Variants in RAPGEF1 observed in about 807,000 individuals in gnomAD.
The protein encoded by RAPGEF1 is CRK SH3-binding GNRP.
In RAPGEF1, 33 loss-of-function variants were observed where a neutral mutation model predicts 143.3. That is an observed-to-expected ratio of 0.23 (90% CI 0.17 to 0.31). The LOEUF is 0.31. Among genes scored for constraint, RAPGEF1 ranks in the 10% least tolerant of loss-of-function variants. RAPGEF1 has a pLI of 1.00. For synonymous variants in RAPGEF1, 629 were observed against 676.5 expected (o/e 0.93, Z 1.09); for missense variants, 1,199 against 1,645.4 (o/e 0.73, Z 4.69).
chr9:131,707,670 G>T (rs1040295322), intron 1 of RAPGEF1, among the ~76,000 whole-genome samples: 2 of 151,976 alleles, frequency 1.3e-5, no homozygotes, highest in African/African-American at 4.8e-5. Context: ...TGAACTCCTG[G>T]CCTCATGTGA....
intron 1 of RAPGEF1, among the ~76,000 whole-genome samples, chr9:131,662,069 C>T (rs1974253660): frequency 1.3e-5 from 2 of 152,182 alleles, no homozygotes; most frequent in Non-Finnish European, 1.5e-5. Flanking sequence ...AGAATTAAAA[C>T]CAAAACTCAT....
intron 25 of RAPGEF1, 92 bp downstream of exon 25, chr9:131,582,513 T>G: frequency 1.0e-6 from 1 of 969,764 alleles, no homozygotes; most frequent in Non-Finnish European, 1.5e-6. Flanking sequence ...ACCCCTAAAT[T>G]AAGATTTCTC....
chr9:131,690,577 C>G (rs61530242), intron 1 of RAPGEF1, among the ~76,000 whole-genome samples: 4 of 151,604 alleles, frequency 2.6e-5, no homozygotes, highest in Non-Finnish European at 4.4e-5. Flanking sequence ...GAGGGCAGAT[C>G]GCATATAGCC....
chr9:131,655,546 T>C lies in RAPGEF1; in HGVS notation c.62-4597A>G, dbSNP rs1438920457. Among the ~76,000 whole-genome samples the C allele has an allele frequency of 6.6e-6, 1 of 152,232 alleles. No individual in the cohort carries two copies. Among genetic ancestry groups the C allele is most frequent in the Non-Finnish European group, 1.5e-5 (1 of 68,044 alleles). Reference sequence around the variant, plus strand: ...TTTACAGTTTATACTTCCTTCTTTATACTTCAACATGGATGTGAACAGTCT... The same window carrying C: ...TTTACAGTTTATACTTCCTTCTTTACACTTCAACATGGATGTGAACAGTCT... On this transcript the variant is annotated intron_variant, in intron 1 of 26. Coordinates refer to ENST00000683357, the MANE Select transcript of RAPGEF1 (RefSeq NM_001377935.1). This position sits in a 1 kb window ranked among gnomAD's most constrained non-coding sequence, Gnocchi z 4.1.
Position 131,584,726 on chromosome 9 carries a change from C to T in RAPGEF1, c.3234-130G>A. The T allele has an allele frequency of 6.6e-6, 5 of 757,382 alleles. No individual in the cohort carries two copies. The highest frequency in any genetic ancestry group is 1.1e-5 in the Non-Finnish European group (5 of 447,242). 46.9% of individuals were successfully genotyped at this position (757,382 alleles called of 1,614,324 possible). ...CGAGCCCACCCCTACTGAATACCTG[C>T]AGCCTGCCCCAGGCATAGATCTAGT... On this transcript the variant is annotated intron_variant, in intron 22 of 26. Coordinates refer to ENST00000683357, the MANE Select transcript of RAPGEF1 (RefSeq NM_001377935.1). This position sits in a 1 kb window ranked among gnomAD's most constrained non-coding sequence, Gnocchi z 6.8.
intron 12 of RAPGEF1, among the ~76,000 whole-genome samples, chr9:131,609,317 G>C (rs1285003873): frequency 1.3e-5 from 2 of 152,230 alleles, no homozygotes; most frequent in Non-Finnish European, 2.9e-5. Context: ...CTGAGGCTGG[G>C]AGGGGAGACC....
intron 5 of RAPGEF1, among the ~76,000 whole-genome samples, chr9:131,636,437 TC>T (rs1416030110): frequency 6.6e-6 from 1 of 152,204 alleles, no homozygotes; most frequent in Non-Finnish European, 1.5e-5. Flanking sequence ...CCTTTTTTTT[TC>T]CCCAGTCACT....
rs748479656 is a variant in RAPGEF1, at chr9:131,604,000, G to A, written c.2373C>T (p.Ser791=). 3.0e-6 allele frequency: 4 copies of A among 1,340,526 alleles called. No individual in the cohort carries two copies. Among genetic ancestry groups the A allele is most frequent in the Non-Finnish European group, 4.0e-6 (4 of 1,007,414 alleles). The allele number at this position is 1,340,526 out of a possible 1,614,324, so 83.0% of individuals were successfully genotyped here. A position where few individuals can be genotyped will look rare whatever the true frequency, so the allele number is the denominator to read the frequency against. Residue 791 remains serine (S), a synonymous_variant, in exon 14 of 27, where the codon TCC becomes TCT. Transcript: ENST00000683357. Reference sequence around the variant, plus strand: ...CCAGCTCCTCGCTGCTCTGGCCAGAGGAATACAGATTGACATATTCACCCT... The same window carrying A: ...CCAGCTCCTCGCTGCTCTGGCCAGAAGAATACAGATTGACATATTCACCCT... ...AGEGEYVNLY[S]SGQSSEELAP...
chr9:131,630,155 C>A lies in RAPGEF1; in HGVS notation c.740+81G>T. ...AGCAGCCCACCCTCATGCTGCCCAC[C>A]CCACCGGGCCCTATCCTTGTCAAGT... On this transcript the variant is annotated intron_variant, in intron 6 of 26. Coordinates refer to ENST00000683357, the MANE Select transcript of RAPGEF1 (RefSeq NM_001377935.1). 2 of 1,290,552 alleles carry A rather than the reference C, an allele frequency of 1.5e-6. 1 individual carries two copies. 79.9% of individuals were successfully genotyped at this position (1,290,552 alleles called of 1,614,324 possible). A position where few individuals can be genotyped will look rare whatever the true frequency, so the allele number is the denominator to read the frequency against.
At chr9:131,635,431 G>A (rs1444114552) in intron 5 of RAPGEF1, among the ~76,000 whole-genome samples, 10 of 151,832 alleles carry the variant, frequency 6.6e-5, no homozygotes, top group African/African-American at 2.4e-4. Context: ...AAAAAAAGAG[G>A]AAAGACTCCC....
chr9:131,653,704 G>C (rs1971693123), intron 1 of RAPGEF1, among the ~76,000 whole-genome samples: 1 of 152,234 alleles, frequency 6.6e-6, no homozygotes, highest in South Asian at 2.1e-4. Context: ...TCTCTGCTTT[G>C]GAAAATGTCG....
At chr9:131,638,056 T>C (rs1185550589) in intron 5 of RAPGEF1, among the ~76,000 whole-genome samples, 1 of 152,242 alleles carries the variant, frequency 6.6e-6, no homozygotes, top group Non-Finnish European at 1.5e-5. Context: ...CTAGGACTTA[T>C]TTTCTCTATT....
chr9:131,584,302 G>C lies in RAPGEF1; in HGVS notation c.3414+9C>G, dbSNP rs1284839069. On this transcript the variant is annotated intron_variant, in intron 24 of 26. Transcript: ENST00000683357. This position sits in a 1 kb window ranked among gnomAD's most constrained non-coding sequence, Gnocchi z 6.8. Reference sequence around the variant, plus strand: ...GCCACCCTCCCGCCCACGCCCCAAGGCCACTCACCTCTGAAGTCTGCTTCT... The same window carrying C: ...GCCACCCTCCCGCCCACGCCCCAAGCCCACTCACCTCTGAAGTCTGCTTCT... 19 of 1,605,888 alleles carry C rather than the reference G, an allele frequency of 1.2e-5. No homozygotes were observed. Among genetic ancestry groups the C allele is most frequent in the Non-Finnish European group, 1.5e-5 (18 of 1,176,156 alleles).
At chr9:131,716,609 A>G (rs61467874) in intron 1 of RAPGEF1, among the ~76,000 whole-genome samples, 2 of 152,216 alleles carry the variant, frequency 1.3e-5, no homozygotes, top group African/African-American at 4.8e-5. Context: ...CTACAAAAAA[A>G]GGAAAAACAT....
chr9:131,671,679 G>A (rs1313620100), intron 1 of RAPGEF1, among the ~76,000 whole-genome samples: 1 of 152,208 alleles, frequency 6.6e-6, no homozygotes, highest in Admixed American at 6.5e-5. Flanking sequence ...AAAAGTTCAT[G>A]AATGGAGGCC....
intron 1 of RAPGEF1, among the ~76,000 whole-genome samples, chr9:131,693,132 TTC>T (rs1833899627): frequency 6.6e-6 from 1 of 152,172 alleles, no homozygotes; most frequent in Non-Finnish European, 1.5e-5. Flanking sequence ...ATGGTAAATG[TTC>T]TCTCTCTGGC....
chr9:131,603,381 G>A (rs1029669441), intron 14 of RAPGEF1, among the ~76,000 whole-genome samples: 1 of 152,232 alleles, frequency 6.6e-6, no homozygotes, highest in Admixed American at 6.5e-5. Context: ...CTGCTGTACC[G>A]CGATGGTCGG....
chr9:131,650,117 T>G lies in RAPGEF1; in HGVS notation c.315+12A>C. The G allele has an allele frequency of 6.3e-7, 1 of 1,596,662 alleles. No homozygotes were observed. The highest frequency in any genetic ancestry group is 1.1e-5 in the South Asian group (1 of 90,138). ...GCAAGGCAAACCCAATTGTTCTTAA[T>G]GTTACACTGACCTTCTGCCTTTGAG... is the stretch of plus-strand genomic sequence containing the variant. On this transcript the variant is annotated intron_variant, in intron 3 of 26. Transcript: ENST00000683357. The surrounding 1 kb of genome is among the most constrained non-coding windows in gnomAD (Gnocchi z 4.7).
chr9:131,615,481 G>A (rs1406616939), intron 12 of RAPGEF1, among the ~76,000 whole-genome samples: 1 of 152,186 alleles, frequency 6.6e-6, no homozygotes, highest in Non-Finnish European at 1.5e-5. Context: ...CCTGTGCAGG[G>A]GACGGTTGGA....
Sources: gnomAD v4.1 joint callset for allele counts (sites outside exome capture counted in the v4.1 genomes callset) on GRCh38, gnomAD v4.1.1 for gene constraint, Gnocchi (gnomAD v3.1) non-coding constraint, MANE v1.5 for transcripts, NCBI Gene and HGNC (gene_info 2026-07-23, HGNC 2026-07-21) for gene names.